Variants in ANKS1B observed in about 807,000 individuals in gnomAD.
The protein encoded by ANKS1B is ankyrin repeat and sterile alpha motif domain-containing protein 1B.
A neutral mutation model predicts 148.3 loss-of-function variants in ANKS1B; 36 were observed. The observed-to-expected ratio is 0.24, with a 90% CI of 0.19 to 0.32. The LOEUF (loss-of-function observed/expected upper bound fraction) is 0.32. Ranked by LOEUF, ANKS1B falls within the 10% of genes least tolerant of loss-of-function variation. ANKS1B has a pLI of 1.00. For synonymous variants in ANKS1B, 542 were observed against 560.8 expected (o/e 0.97, Z 0.47); for missense variants, 1,157 against 1,542.6 (o/e 0.75, Z 4.19).
intron 2 of ANKS1B, among the ~76,000 whole-genome samples, chr12:99,820,896 T>A (rs1425478545): frequency 2.0e-5 from 3 of 152,036 alleles, no homozygotes; most frequent in Non-Finnish European, 2.9e-5. Flanking sequence ...CACTTTAATA[T>A]CTATGTGGCC....
chr12:99,064,401 G>A (rs2043388328), intron 16 of ANKS1B, among the ~76,000 whole-genome samples: 1 of 152,152 alleles, frequency 6.6e-6, no homozygotes, highest in South Asian at 2.1e-4. Flanking sequence ...AGACACATAG[G>A]GGATCAGCTT....
At chr12:99,028,675 TTGGA>T (rs749221425) in intron 17 of ANKS1B, among the ~76,000 whole-genome samples, 13 of 152,208 alleles carry the variant, frequency 8.5e-5, no homozygotes, top group Non-Finnish European at 1.6e-4. Context: ...CAATCAATCC[TTGGA>T]TGAAGAAGAC....
intron 10 of ANKS1B, among the ~76,000 whole-genome samples, chr12:99,489,169 G>A (rs2096531176): frequency 6.6e-6 from 1 of 151,476 alleles, no homozygotes; most frequent in Non-Finnish European, 1.5e-5. Context: ...TTGAACCCGG[G>A]AGGCGGAGGT....
At chr12:99,099,513 C>T (rs2057345536) in intron 15 of ANKS1B, among the ~76,000 whole-genome samples, 1 of 152,192 alleles carries the variant, frequency 6.6e-6, no homozygotes, top group Non-Finnish European at 1.5e-5. Context: ...GCTGCACTCT[C>T]ACTACAAGTG....
chr12:99,490,313 C>T (rs183893381), intron 10 of ANKS1B, among the ~76,000 whole-genome samples: 1 of 152,270 alleles, frequency 6.6e-6, no homozygotes, highest in Admixed American at 6.5e-5. Flanking sequence ...TTTCTCAATG[C>T]CAGATTTGCT....
rs181266289 is a variant in ANKS1B, at chr12:99,816,109, A to G, written c.216-3798T>C. ...AAGTTACAGTCCCACCAGCAGCGTA[A>G]AAGTGTTCCCTTTTCACCACATTCC... On this transcript the variant is annotated intron_variant, in intron 2 of 26. Transcript: ENST00000683438. 6.6e-3 allele frequency among the ~76,000 whole-genome samples: 1,009 copies of G among 151,968 alleles called. 9 individuals carry two copies. Among genetic ancestry groups the G allele is most frequent in the Non-Finnish European group, 9.7e-3 (657 of 67,842 alleles).
chr12:99,285,603 A>G (rs910164048), intron 12 of ANKS1B, among the ~76,000 whole-genome samples: 2 of 152,210 alleles, frequency 1.3e-5, no homozygotes, highest in African/African-American at 4.8e-5. Flanking sequence ...CCTTCATAAG[A>G]ACCAAAAACC....
intron 1 of ANKS1B, among the ~76,000 whole-genome samples, chr12:99,940,023 G>A (rs1005470814): frequency 6.6e-6 from 1 of 152,122 alleles, no homozygotes; most frequent in African/African-American, 2.4e-5. Flanking sequence ...GACAATTTAG[G>A]TAGACAAAAT....
chr12:98,936,561 AG>A (rs1347629057), intron 17 of ANKS1B, among the ~76,000 whole-genome samples: 2 of 152,042 alleles, frequency 1.3e-5, no homozygotes, highest in Non-Finnish European at 2.9e-5. Context: ...CAGGAGGTGG[AG>A]GTTGCAGTGA....
intron 19 of ANKS1B, among the ~76,000 whole-genome samples, chr12:98,827,055 A>G (rs961464038): frequency 2.6e-5 from 4 of 152,240 alleles, no homozygotes; most frequent in Non-Finnish European, 4.4e-5. Context: ...CAACAAGATG[A>G]CAGAGTATTT....
In ANKS1B at chr12:99,183,938, C is replaced by T. The variant is rs147404076; in HGVS notation, c.2420-29543G>A. 3.4e-3 allele frequency among the ~76,000 whole-genome samples: 510 copies of T among 152,140 alleles called. 2 individuals carry two copies. The highest frequency in any genetic ancestry group is 0.012 in the African/African-American group (484 of 41,502). ...TACAAAGGAGGTTAATGACAATATG[C>T]AATGAAAAATTAATCAAAATGCAGT... On this transcript the variant is annotated intron_variant, in intron 14 of 26. Transcript: ENST00000683438.
intron 12 of ANKS1B, among the ~76,000 whole-genome samples, chr12:99,253,249 G>A (rs1212721967): frequency 6.6e-6 from 1 of 151,870 alleles, no homozygotes; most frequent in Non-Finnish European, 1.5e-5. Context: ...GGCAGTGGGG[G>A]TGGCATCAGG....
intron 9 of ANKS1B, among the ~76,000 whole-genome samples, chr12:99,585,831 TG>T (rs540279157): frequency 1.9e-3 from 290 of 152,194 alleles, no homozygotes; most frequent in Non-Finnish European, 3.0e-3. Context: ...GGAGCAGAAA[TG>T]CAGGGCACCA....
intron 20 of ANKS1B, among the ~76,000 whole-genome samples, chr12:98,805,130 T>C (rs1456452794): frequency 6.6e-6 from 1 of 152,172 alleles, no homozygotes; most frequent in African/African-American, 2.4e-5. Flanking sequence ...TCAAAATGAT[T>C]CAAGGTACTC....
At chr12:99,659,427 TAC>T (rs565806235) in intron 8 of ANKS1B, among the ~76,000 whole-genome samples, 170 of 152,212 alleles carry the variant, frequency 1.1e-3, no homozygotes, top group African/African-American at 4.0e-3. Flanking sequence ...CCTAAATCTA[TAC>T]AGTTTGAACC....
intron 9 of ANKS1B, among the ~76,000 whole-genome samples, chr12:99,517,003 T>C (rs941246626): frequency 6.6e-6 from 1 of 152,168 alleles, no homozygotes; most frequent in African/African-American, 2.4e-5. Context: ...TCTGGGTCTT[T>C]TGTAGTTCCA....
intron 12 of ANKS1B, among the ~76,000 whole-genome samples, chr12:99,333,164 C>G (rs779285885): frequency 2.6e-5 from 4 of 151,944 alleles, no homozygotes; most frequent in Non-Finnish European, 4.4e-5. Flanking sequence ...AAATTTGGAT[C>G]CAGATCATAG....
chr12:98,875,989 A>G (rs898363549), intron 17 of ANKS1B, among the ~76,000 whole-genome samples: 3 of 152,156 alleles, frequency 2.0e-5, no homozygotes, highest in Non-Finnish European at 2.9e-5. Flanking sequence ...TTTAGATCAG[A>G]CCCTGCAGGA....
chr12:98,873,491 T>C (rs1351683861), intron 17 of ANKS1B, among the ~76,000 whole-genome samples: 2 of 152,076 alleles, frequency 1.3e-5, no homozygotes, highest in Non-Finnish European at 2.9e-5. Flanking sequence ...CAATAAAATC[T>C]GCAAAAAGAA....
Sources: allele counts gnomAD v4.1 joint callset (sites outside exome capture counted in the v4.1 genomes callset), GRCh38; gene constraint gnomAD v4.1.1; transcripts MANE v1.5; gene names NCBI Gene and HGNC (gene_info 2026-07-23, HGNC 2026-07-21).